RAB6A: variants seen among roughly 807,000 people sequenced by gnomAD.
RAB6A encodes the protein ras-related protein Rab-6A.
Under a neutral mutation model 32.3 loss-of-function variants are expected in RAB6A, and 8 were observed. The observed-to-expected ratio is 0.25, with a 90% CI of 0.15 to 0.45. RAB6A has a LOEUF of 0.45. RAB6A is among the 20% of genes least tolerant of loss of function. RAB6A has a pLI of 1.00. For missense variants in RAB6A, 104 were observed against 249.4 expected (o/e 0.42, Z 3.93); for synonymous variants, 73 against 82.1 (o/e 0.89, Z 0.60).
intron 3 of RAB6A, among the ~76,000 whole-genome samples, chr11:73,719,984 A>C (rs1424882049): frequency 6.6e-6 from 1 of 151,756 alleles, no homozygotes; most frequent in Non-Finnish European, 1.5e-5. Context: ...GAAAAAAAAA[A>C]CACCTAAGAA....
At chr11:73,755,931 G>A (rs1207274198) in intron 1 of RAB6A, among the ~76,000 whole-genome samples, 1 of 151,828 alleles carries the variant, frequency 6.6e-6, no homozygotes, top group Non-Finnish European at 1.5e-5. Flanking sequence ...AAGAAGAGGA[G>A]GAGGAGGAAG....
At chr11:73,709,051 G>C (rs920230084) in intron 5 of RAB6A, among the ~76,000 whole-genome samples, 2 of 152,082 alleles carry the variant, frequency 1.3e-5, no homozygotes, top group African/African-American at 2.4e-5. Flanking sequence ...TTAAAAAACT[G>C]TTTGAGAGTA....
At chr11:73,730,364 TTTAA>T (rs1946284871) in intron 2 of RAB6A, 1 of 158,542 alleles carries the variant, frequency 6.3e-6, no homozygotes, top group South Asian at 1.9e-4. Flanking sequence ...GAGTGTATTA[TTTAA>T]TTTTCACATA....
chr11:73,757,110 T>C (rs1312421048), intron 1 of RAB6A, among the ~76,000 whole-genome samples: 56 of 40,248 alleles, frequency 1.4e-3, no homozygotes, highest in Middle Eastern at 6.0e-3. Flanking sequence ...TATATATATA[T>C]ATATATATAT....
At chr11:73,735,911 A>C (rs1946384768) in intron 1 of RAB6A, among the ~76,000 whole-genome samples, 1 of 98,194 alleles carries the variant, frequency 1.0e-5, no homozygotes, top group South Asian at 4.3e-4. Context: ...TGGAATCCCA[A>C]CCTTGCCTTA....
At chr11:73,730,866 C>T (rs747330903) in intron 1 of RAB6A, 43 bp from the exon 2 acceptor site, 50 of 1,501,332 alleles carry the variant, frequency 3.3e-5, no homozygotes, top group Non-Finnish European at 4.2e-5. Flanking sequence ...GAACACATTA[C>T]ATTGGGTTCT....
chr11:73,681,740 C>T lies in RAB6A; in HGVS notation c.496-2020G>A, dbSNP rs545015536. Among the ~76,000 whole-genome samples the T allele has an allele frequency of 1.3e-3, 197 of 152,182 alleles. 1 individual carries two copies. Among genetic ancestry groups the T allele is most frequent in the African/African-American group, 4.5e-3 (188 of 41,504 alleles). ...AGAAGAATCGCTTGAACCCAGGAGC[C>T]GGAGGTTGCAGTGGACCAAGATCTT... On this transcript the variant is annotated intron_variant, in intron 6 of 7. Coordinates refer to ENST00000336083, the MANE Select transcript of RAB6A (RefSeq NM_198896.2).
chr11:73,722,061 T>TTTTTTTTTTTTTTTGGAG (rs1264423078), intron 2 of RAB6A, among the ~76,000 whole-genome samples: 2 of 151,090 alleles, frequency 1.3e-5, no homozygotes, highest in Non-Finnish European at 3.0e-5. Flanking sequence ...GCCATGATTG[T>TTTTTTTTTTTTTTTGGAG]AAGTTTCCTG....
chr11:73,722,324 TATATATA>T (rs1946148515), intron 2 of RAB6A: 2 of 9,524 alleles, frequency 2.1e-4, no homozygotes, highest in African/African-American at 6.7e-4. Context: ...TATATATATA[TATATATA>T]TATATATATA....
intron 4 of RAB6A, among the ~76,000 whole-genome samples, chr11:73,717,102 C>CT (rs942209642): frequency 1.4e-4 from 21 of 151,956 alleles, no homozygotes; most frequent in Non-Finnish European, 2.6e-4. Context: ...GAACATACCT[C>CT]TTTTTTTTAA....
chr11:73,677,137 C>CTAATAAA lies in RAB6A; in HGVS notation c.*754_*760dup, dbSNP rs1263812942. ...CTTGGTTAATTTTCTCTCCCAGAGT[C>CTAATAAA]TAATAAAGCACATGTGAAAGAGCCA... On this transcript the variant is annotated 3_prime_UTR_variant, in exon 8 of 8. Coordinates refer to ENST00000336083, the MANE Select transcript of RAB6A (RefSeq NM_198896.2). The CTAATAAA allele has an allele frequency of 6.0e-6, 1 of 167,050 alleles. No individual in the cohort carries two copies. Among genetic ancestry groups the CTAATAAA allele is most frequent in the African/African-American group, 2.4e-5 (1 of 41,436 alleles). 10.3% of individuals were successfully genotyped at this position (167,050 alleles called of 1,614,324 possible). A position where few individuals can be genotyped will look rare whatever the true frequency, so the allele number is the denominator to read the frequency against.
intron 2 of RAB6A, chr11:73,730,391 C>T (rs1946285232): frequency 1.2e-5 from 2 of 162,256 alleles, no homozygotes; most frequent in Non-Finnish European, 2.7e-5. Flanking sequence ...TGTGAATGTG[C>T]CAAATATCCT....
rs889475413 is a variant in RAB6A at position 73,725,573 on chromosome 11, A to G, written c.130-4674T>C. Among the ~76,000 whole-genome samples the G allele has an allele frequency of 3.9e-5, 6 of 152,360 alleles. No homozygotes were observed. The East Asian group carries it at 1.2e-3, about 29-fold the overall frequency. On this transcript the variant is annotated intron_variant, in intron 2 of 7. Coordinates refer to ENST00000336083, the MANE Select transcript of RAB6A (RefSeq NM_198896.2). ...TACATGGAGGCAACAACAGAGAATC[A>G]GAAGCAAGCGAAAAGGGTTTCCCTT...
intron 1 of RAB6A, among the ~76,000 whole-genome samples, chr11:73,756,623 G>GCTA (rs1329567613): frequency 6.6e-6 from 1 of 152,146 alleles, no homozygotes; most frequent in Non-Finnish European, 1.5e-5. Flanking sequence ...AATAGCCAGA[G>GCTA]GTAGTAACAA....
At chr11:73,714,433 A>T (rs1946021719) in intron 5 of RAB6A, among the ~76,000 whole-genome samples, 1 of 150,762 alleles carries the variant, frequency 6.6e-6, no homozygotes, top group Non-Finnish European at 1.5e-5. Context: ...AGGCCAAGGC[A>T]GGCGGATCAC....
rs1325790837 is a variant in RAB6A, at chr11:73,735,988, C to CT, written c.71-5166dup. 4.6e-3 allele frequency among the ~76,000 whole-genome samples: 640 copies of CT among 140,496 alleles called. 2 individuals carry two copies. Among genetic ancestry groups the CT allele is most frequent in the Middle Eastern group, 7.4e-3 (2 of 270 alleles). 92.2% of individuals were successfully genotyped at this position (140,496 alleles called of 152,430 possible). A position where few individuals can be genotyped will look rare whatever the true frequency, so the allele number is the denominator to read the frequency against. On this transcript the variant is annotated intron_variant, in intron 1 of 7. Coordinates refer to ENST00000336083, the MANE Select transcript of RAB6A (RefSeq NM_198896.2). ...AATCACATACCATACAATTCACCTACTTTTTTTTTTTTGGAAACAGAGTGC... is the reference window on the plus strand; with the variant it reads ...AATCACATACCATACAATTCACCTACTTTTTTTTTTTTTGGAAACAGAGTGC...
At chr11:73,750,970 A>AT (rs1238498997) in intron 1 of RAB6A, among the ~76,000 whole-genome samples, 1 of 151,786 alleles carries the variant, frequency 6.6e-6, no homozygotes, top group African/African-American at 2.4e-5. Context: ...CACCTGGTTA[A>AT]TTTTTTTAAT....
intron 6 of RAB6A, among the ~76,000 whole-genome samples, chr11:73,705,429 T>A (rs1411577172): frequency 6.6e-6 from 1 of 152,056 alleles, no homozygotes; most frequent in Admixed American, 6.6e-5. Context: ...ACACCTGTAA[T>A]CCCAGCTACT....
Position 73,718,730 on chromosome 11 carries a change from ATCAG to A in RAB6A, c.184-16_184-13del. 1 of 1,613,994 alleles carries A rather than the reference ATCAG, an allele frequency of 6.2e-7. No individual in the cohort carries two copies. Among genetic ancestry groups the A allele is most frequent in the East Asian group, 2.2e-5 (1 of 44,882 alleles). ...AATTGCAATCGTACCTAACAACAAA[ATCAG>A]TCAAACAAGCAAGAAAAATAAGAAA... On this transcript the variant is annotated splice_polypyrimidine_tract_variant and intron_variant, in intron 3 of 7. Transcript: ENST00000336083.
Sources: gnomAD v4.1 joint callset for allele counts (sites outside exome capture counted in the v4.1 genomes callset) on GRCh38, gnomAD v4.1.1 for gene constraint, MANE v1.5 for transcripts, NCBI Gene and HGNC (gene_info 2026-07-23, HGNC 2026-07-21) for gene names.